The following NDC1 variants were observed in gnomAD, a reference collection of about 807,000 sequenced individuals.
NDC1 encodes nucleoporin NDC1.
In NDC1, 24 loss-of-function variants were observed where a neutral mutation model predicts 89.8. That is an observed-to-expected ratio of 0.27 (90% CI 0.19 to 0.38). The LOEUF (loss-of-function observed/expected upper bound fraction) is 0.38. Among genes scored for constraint, NDC1 ranks in the 10% least tolerant of loss-of-function variants. The pLI is 1.00. For synonymous variants in NDC1, 296 were observed against 284.8 expected (o/e 1.04, Z -0.39); for missense variants, 728 against 797.6 (o/e 0.91, Z 1.05).
chr1:53,816,283 G>C (rs1337579204), intron 6 of NDC1, among the ~76,000 whole-genome samples: 3 of 152,114 alleles, frequency 2.0e-5, no homozygotes, highest in Non-Finnish European at 4.4e-5. Context: ...AGAGAACCCA[G>C]AAATAAACCC....
intron 5 of NDC1, among the ~76,000 whole-genome samples, chr1:53,821,180 T>C (rs919550261): frequency 5.9e-5 from 9 of 152,032 alleles, no homozygotes; most frequent in African/African-American, 1.9e-4. Flanking sequence ...ATGCCTGTAA[T>C]CCCAAAACTT....
intron 5 of NDC1, among the ~76,000 whole-genome samples, chr1:53,825,208 G>A (rs573319007): frequency 6.6e-6 from 1 of 151,952 alleles, no homozygotes; most frequent in East Asian, 1.9e-4. Context: ...GGGCGTGGTG[G>A]CTCATGCCTG....
At chr1:53,785,322 T>C (rs865897084) in intron 16 of NDC1, among the ~76,000 whole-genome samples, 5 of 152,204 alleles carry the variant, frequency 3.3e-5, no homozygotes, top group South Asian at 2.1e-4. Flanking sequence ...TATTGTGCAG[T>C]CAGATAAACC....
chr1:53,794,290 C>T (rs957314267), intron 13 of NDC1, among the ~76,000 whole-genome samples: 1 of 152,184 alleles, frequency 6.6e-6, no homozygotes, highest in African/African-American at 2.4e-5. Flanking sequence ...TAGTTTTCTA[C>T]TAGTTGACAA....
At chr1:53,803,453 G>A (rs1647990623) in intron 10 of NDC1, among the ~76,000 whole-genome samples, 1 of 152,136 alleles carries the variant, frequency 6.6e-6, no homozygotes, top group South Asian at 2.1e-4. Context: ...AAATGAAGGA[G>A]CTGAAGGTAA....
At chr1:53,809,578 T>C in intron 7 of NDC1, 117 bp downstream of exon 7, 2 of 712,342 alleles carry the variant, frequency 2.8e-6, no homozygotes, top group Non-Finnish European at 4.7e-6. Context: ...TATTCAAAAA[T>C]GAATACAATT....
chr1:53,768,806 T>G (rs537513457), intron 17 of NDC1, among the ~76,000 whole-genome samples: 5 of 152,276 alleles, frequency 3.3e-5, no homozygotes, highest in African/African-American at 1.2e-4. Flanking sequence ...ACCATGTACC[T>G]CCAATTGAAC....
chr1:53,811,008 T>C (rs1297308505), intron 6 of NDC1, among the ~76,000 whole-genome samples: 4 of 152,146 alleles, frequency 2.6e-5, no homozygotes, highest in African/African-American at 9.7e-5. Flanking sequence ...ACACCCCCAC[T>C]GGAGAAGGTG....
At chr1:53,768,851 T>C (rs1320939097) in intron 17 of NDC1, among the ~76,000 whole-genome samples, 1 of 152,234 alleles carries the variant, frequency 6.6e-6, no homozygotes, top group South Asian at 2.1e-4. Flanking sequence ...AGATGCCCTC[T>C]AGGTGCTAGT....
intron 2 of NDC1, 31 bp downstream of exon 2, chr1:53,835,469 T>C (rs1397375072): frequency 1.9e-6 from 3 of 1,583,254 alleles, no homozygotes; most frequent in Non-Finnish European, 2.6e-6. Flanking sequence ...GTAGGTCCTA[T>C]AACTTTCTCC....
chr1:53,775,058 G>A (rs555986784), intron 16 of NDC1, among the ~76,000 whole-genome samples: 1 of 152,026 alleles, frequency 6.6e-6, no homozygotes, highest in African/African-American at 2.4e-5. Flanking sequence ...CATAAATCTG[G>A]AATATATCCA....
Position 53,835,564 on chromosome 1 carries a change from G to T in NDC1, c.114C>A (p.Ile38=). 1 of 1,612,934 alleles carries T rather than the reference G, an allele frequency of 6.2e-7. No individual in the cohort carries two copies. Among genetic ancestry groups the T allele is most frequent in the Non-Finnish European group, 8.5e-7 (1 of 1,179,020 alleles). Residue 38 remains isoleucine, a synonymous_variant, in exon 2 of 18, where the codon ATC becomes ATA. Transcript: ENST00000371429. ...SIVWSVLFLP[I]CTTVFIIFSR... ...TGAAAATTATAAATACTGTGGTGCA[G>T]ATGGGTAGAAATAGCACTGACCAAA... is the stretch of plus-strand genomic sequence containing the variant.
At chr1:53,791,537 T>C (rs1418692923) in intron 14 of NDC1, among the ~76,000 whole-genome samples, 5 of 152,146 alleles carry the variant, frequency 3.3e-5, no homozygotes, top group African/African-American at 1.2e-4. Flanking sequence ...CACCATGGAA[T>C]AGTGTGGAAC....
At chr1:53,819,828 C>G (rs1049621568) in intron 5 of NDC1, among the ~76,000 whole-genome samples, 23 of 152,044 alleles carry the variant, frequency 1.5e-4, no homozygotes, top group Non-Finnish European at 3.1e-4. Context: ...TTAGTGGGAA[C>G]CTGAAAATTC....
chr1:53,789,118 A>G lies in NDC1; in HGVS notation c.1699+15T>C, dbSNP rs376992599. 276 of 1,535,404 alleles carry G rather than the reference A, an allele frequency of 1.8e-4. No homozygotes were observed. Among genetic ancestry groups the G allele is most frequent in the Non-Finnish European group, 2.3e-4 (259 of 1,114,028 alleles). ...ACAATTAAAATCATAGTTACAGTTC[A>G]CAGTCATTGCTTACCTTCTAATGCC... On this transcript the variant is annotated intron_variant, in intron 15 of 17. Transcript: ENST00000371429.
At chr1:53,824,725 T>C (rs1181187) in intron 5 of NDC1, among the ~76,000 whole-genome samples, 41,535 of 152,134 alleles carry the variant, frequency 0.27, 7,279 homozygotes, top group African/African-American at 0.5. Context: ...TTTTTAAGAC[T>C]TAACTGAAAG....
At chr1:53,828,591 ATTTATTTAT>A (rs1397892874) in intron 3 of NDC1, among the ~76,000 whole-genome samples, 1 of 151,076 alleles carries the variant, frequency 6.6e-6, no homozygotes, top group African/African-American at 2.4e-5. Context: ...TTATTTATTT[ATTTATTTAT>A]TTTATTTTAT....
At chr1:53,775,881 T>C (rs2100622075) in intron 16 of NDC1, among the ~76,000 whole-genome samples, 1 of 152,276 alleles carries the variant, frequency 6.6e-6, no homozygotes, top group East Asian at 1.9e-4. Context: ...TAAAAACATA[T>C]TGTTCTGTAA....
intron 11 of NDC1, among the ~76,000 whole-genome samples, chr1:53,797,685 A>G (rs1169475986): frequency 6.6e-6 from 1 of 151,978 alleles, no homozygotes; most frequent in Non-Finnish European, 1.5e-5. Flanking sequence ...ATTGGAGTGC[A>G]GTGGTGTAAT....
Sources: allele counts gnomAD v4.1 joint callset (sites outside exome capture counted in the v4.1 genomes callset), GRCh38; gene constraint gnomAD v4.1.1; transcripts MANE v1.5; gene names NCBI Gene and HGNC (gene_info 2026-07-23, HGNC 2026-07-21).